The following GMPS variants were observed in gnomAD, a reference collection of about 807,000 sequenced individuals.
GMPS encodes the protein guanosine monophosphate synthase, also known as GMP synthase [glutamine-hydrolyzing].
In GMPS, 15 loss-of-function variants were observed where a neutral mutation model predicts 77.9. The observed-to-expected ratio is 0.19, with a 90% CI of 0.13 to 0.30. GMPS has a LOEUF of 0.30. GMPS is among the 10% of genes least tolerant of loss of function. The pLI is 1.00. For missense variants in GMPS, 590 were observed against 838.8 expected (o/e 0.70, Z 3.66); for synonymous variants, 224 against 275.9 (o/e 0.81, Z 1.86).
At chr3:155,909,241 G>T (rs1754969309) in intron 5 of GMPS, among the ~76,000 whole-genome samples, 1 of 152,126 alleles carries the variant, frequency 6.6e-6, no homozygotes, top group South Asian at 2.1e-4. Flanking sequence ...AACATCTATT[G>T]CCCCATAGGT....
Position 155,893,591 on chromosome 3 carries a change from G to A in GMPS, c.101G>A (p.Gly34Asp), listed in dbSNP as rs1023584550. The change falls in exon 2 of 16, where the codon GGT (glycine) becomes GAT (aspartate). Residue 34 changes from glycine to aspartate, a missense_variant. Gly to Asp is a moderately conservative substitution (Grantham distance 94, BLOSUM62 -1). Around this residue, in one of 6 missense-constraint regions of GMPS, gnomAD observed 47 missense variants for 45.5 expected, o/e 1.03. Coordinates refer to ENST00000496455, the MANE Select transcript of GMPS (RefSeq NM_003875.3). ...GGAGCTGTTGTCATTCTGGATGCTG[G>A]TGCTCAGTACGGGAAAGTCATAGAC... is the stretch of plus-strand genomic sequence containing the variant. Reference protein sequence around the residue: ...YEGAVVILDAGAQYGKVIDRR... With the variant: ...YEGAVVILDADAQYGKVIDRR... 1.2e-6 allele frequency: 2 copies of A among 1,612,618 alleles called. No homozygotes were observed. The highest frequency in any genetic ancestry group is 1.3e-5 in the African/African-American group (1 of 75,024).
intron 2 of GMPS, among the ~76,000 whole-genome samples, chr3:155,894,782 G>A (rs1754560602): frequency 6.6e-6 from 1 of 152,296 alleles, no homozygotes; most frequent in East Asian, 1.9e-4. Flanking sequence ...TTCTGAAGTA[G>A]AGTGAATTAG....
chr3:155,926,750 C>T (rs1755466038), intron 12 of GMPS, among the ~76,000 whole-genome samples: 2 of 152,228 alleles, frequency 1.3e-5, no homozygotes, highest in African/African-American at 2.4e-5. Context: ...TGTTGCCAGG[C>T]GCAGTGGTTC....
intron 1 of GMPS, among the ~76,000 whole-genome samples, chr3:155,882,664 C>A (rs936205524): frequency 3.9e-5 from 6 of 152,052 alleles, no homozygotes; most frequent in Non-Finnish European, 8.8e-5. Context: ...TTTTAAAAGC[C>A]CCCAATTTTT....
chr3:155,919,321 C>G lies in GMPS; in HGVS notation c.1301C>G (p.Ser434Cys), dbSNP rs371638698. 3 of 1,563,870 alleles carry G rather than the reference C, an allele frequency of 1.9e-6. No homozygotes were observed. The highest frequency in any genetic ancestry group is 1.7e-4 in the Middle Eastern group (1 of 6,012). Reference sequence around the variant, plus strand: ...CTTGGACTTCCAGAAGAGTTAGTTTCCAGGCATCCATTTCCAGGTAAAAAT... The same window carrying G: ...CTTGGACTTCCAGAAGAGTTAGTTTGCAGGCATCCATTTCCAGGTAAAAAT... ...RELGLPEELV[S>C]RHPFPGPGLA... Residue 434 changes from serine (S) to cysteine (C), a missense_variant, in exon 10 of 16, where the codon TCC becomes TGC. Transcript: ENST00000496455.
chr3:155,906,097 A>G (rs1270030293), intron 4 of GMPS, 63 bp from the exon 5 acceptor site: 6 of 980,080 alleles, frequency 6.1e-6, no homozygotes. Flanking sequence ...TTCTAAAACA[A>G]AAGAACCCAT....
In GMPS at chr3:155,939,176, A is replaced by T. The variant is rs1275310537; in HGVS notation, c.*1484A>T. The T allele has an allele frequency of 9.1e-6, 2 of 219,974 alleles. No individual in the cohort carries two copies. The highest frequency in any genetic ancestry group is 4.5e-5 in the African/African-American group (2 of 44,562). 13.6% of individuals were successfully genotyped at this position (219,974 alleles called of 1,614,324 possible). A position where few individuals can be genotyped will look rare whatever the true frequency, so the allele number is the denominator to read the frequency against. ...CAAGACAAAGGGGTACTTGACTCCT[A>T]CAAAACTTAAAGGGTACATTCTCTA... is the stretch of plus-strand genomic sequence containing the variant. On this transcript the variant is annotated 3_prime_UTR_variant, in exon 16 of 16. Coordinates refer to ENST00000496455, the MANE Select transcript of GMPS (RefSeq NM_003875.3).
chr3:155,882,663 C>G (rs1293433099), intron 1 of GMPS, among the ~76,000 whole-genome samples: 3 of 152,114 alleles, frequency 2.0e-5, no homozygotes, highest in Non-Finnish European at 4.4e-5. Flanking sequence ...ATTTTAAAAG[C>G]CCCCAATTTT....
At chr3:155,891,240 G>A (rs907447144) in intron 1 of GMPS, among the ~76,000 whole-genome samples, 1 of 152,194 alleles carries the variant, frequency 6.6e-6, no homozygotes, top group Non-Finnish European at 1.5e-5. Context: ...ATTATGCAAG[G>A]CAGGAACTCT....
intron 3 of GMPS, among the ~76,000 whole-genome samples, chr3:155,901,813 A>AT (rs1490981836): frequency 6.6e-6 from 1 of 152,008 alleles, no homozygotes; most frequent in East Asian, 1.9e-4. Flanking sequence ...TGTCTTTGTT[A>AT]TTGTGTTGTG....
At chr3:155,878,692 TATAG>T (rs1754122327) in intron 1 of GMPS, among the ~76,000 whole-genome samples, 1 of 152,114 alleles carries the variant, frequency 6.6e-6, no homozygotes, top group Admixed American at 6.5e-5. Flanking sequence ...TAGATATATA[TATAG>T]AGAGATATAT....
At chr3:155,887,751 G>A (rs182162239) in intron 1 of GMPS, among the ~76,000 whole-genome samples, 296 of 152,274 alleles carry the variant, frequency 1.9e-3, no homozygotes, top group African/African-American at 6.5e-3. Context: ...GATGCATGCT[G>A]AAAAGGTTTT....
intron 13 of GMPS, 117 bp downstream of exon 13, chr3:155,931,997 A>G (rs1755635451): frequency 1.9e-6 from 1 of 530,042 alleles, no homozygotes. Flanking sequence ...GGTCATGTAG[A>G]TAAGAGTAAA....
intron 1 of GMPS, among the ~76,000 whole-genome samples, chr3:155,889,135 G>T (rs1016617755): frequency 1.3e-5 from 2 of 152,184 alleles, no homozygotes; most frequent in African/African-American, 4.8e-5. Flanking sequence ...AGCTAGTCAA[G>T]ATAACGTTTC....
Position 155,934,899 on chromosome 3 carries a change from TA to T in GMPS, c.1677-16del. The T allele has an allele frequency of 6.6e-7, 1 of 1,509,484 alleles. No individual in the cohort carries two copies. Among genetic ancestry groups the T allele is most frequent in the East Asian group, 2.2e-5 (1 of 44,458 alleles). The allele number at this position is 1,509,484 out of a possible 1,614,324, so 93.5% of individuals were successfully genotyped here. ...TGAAATGTAATTGCTGTATTATTTT[TA>T]CCTCTTTGTTTCCAGAGTTGTTTAT... On this transcript the variant is annotated splice_polypyrimidine_tract_variant and intron_variant, in intron 13 of 15. Transcript: ENST00000496455.
intron 9 of GMPS, among the ~76,000 whole-genome samples, chr3:155,917,771 G>A (rs780232919): frequency 5.3e-5 from 8 of 152,124 alleles, no homozygotes; most frequent in South Asian, 2.1e-4. Flanking sequence ...TCCTTGGGAG[G>A]CTGAGGCAGG....
Position 155,931,866 on chromosome 3 carries a change from TCA to T in GMPS, c.1665_1666del (p.His555GlnfsTer3). 1 of 1,519,016 alleles carries T rather than the reference TCA, an allele frequency of 6.6e-7. No individual in the cohort carries two copies. Among genetic ancestry groups the T allele is most frequent in the Non-Finnish European group, 9.1e-7 (1 of 1,093,904 alleles). 94.1% of individuals were successfully genotyped at this position (1,519,016 alleles called of 1,614,324 possible). A position where few individuals can be genotyped will look rare whatever the true frequency, so the allele number is the denominator to read the frequency against. On this transcript the variant is annotated frameshift_variant, in exon 13 of 16. Coordinates refer to ENST00000496455, the MANE Select transcript of GMPS (RefSeq NM_003875.3). LOFTEE classifies it high-confidence loss of function. ...FLARLIPRMC[H>X]NVNRVVYIFG... The stretch of plus-strand genomic sequence containing the variant: ...TGGCTAGGCTTATACCTCGCATGTG[TCA>T]CAACGTTAACAGGTGTGTTTCACAG...
At chr3:155,870,592 C>G (rs1243938405), upstream of GMPS, 1 of 395,564 alleles carries the variant, frequency 2.5e-6, no homozygotes, top group Non-Finnish European at 4.6e-6. Context: ...GGCTGCCAAG[C>G]CGAACGGGCT....
Position 155,939,056 on chromosome 3 carries a change from G to A in GMPS, c.*1364G>A, listed in dbSNP as rs1166074129. On this transcript the variant is annotated 3_prime_UTR_variant, in exon 16 of 16. Transcript: ENST00000496455. ...AACAACAAAATGATGCGTGGCAGAA[G>A]TCATCTTTTTATTCTGGCTGGTCCA... 1.4e-5 allele frequency: 3 copies of A among 218,642 alleles called. No individual in the cohort carries two copies. The highest frequency in any genetic ancestry group is 2.8e-5 in the Non-Finnish European group (3 of 108,870). 13.5% of individuals were successfully genotyped at this position (218,642 alleles called of 1,614,324 possible).
Sources: gnomAD v4.1 joint callset for allele counts (sites outside exome capture counted in the v4.1 genomes callset) on GRCh38, gnomAD v4.1.1 for gene constraint, gnomAD v4.1.1 regional missense constraint, MANE v1.5 for transcripts, NCBI Gene and HGNC (gene_info 2026-07-23, HGNC 2026-07-21) for gene names.